SLC2A13: variants seen among roughly 807,000 people sequenced by gnomAD.
SLC2A13 encodes the protein solute carrier family 2 member 13, also known as proton myo-inositol cotransporter.
In SLC2A13, 32 loss-of-function variants were observed where a neutral mutation model predicts 64.4. That is an observed-to-expected ratio of 0.50 (90% CI 0.37 to 0.67). The LOEUF is 0.67. Among genes scored for constraint, SLC2A13 ranks in the 30% least tolerant of loss-of-function variants. The pLI, the probability that SLC2A13 is intolerant of heterozygous loss-of-function variation, is 0.00. For synonymous variants in SLC2A13, 338 were observed against 327.1 expected, an observed-to-expected ratio of 1.03 and a Z score of -0.36; for missense variants, 743 against 829.2, an observed-to-expected ratio of 0.90 and a Z score of 1.28.
At chr12:39,988,833 C>T (rs1947082353) in intron 3 of SLC2A13, among the ~76,000 whole-genome samples, 1 of 152,066 alleles carries the variant, frequency 6.6e-6, no homozygotes, top group Non-Finnish European at 1.5e-5. Context: ...ACCTTTGAGT[C>T]ATCTTTCATT....
At chr12:39,789,089 T>C (rs1941286606) in intron 7 of SLC2A13, among the ~76,000 whole-genome samples, 1 of 152,122 alleles carries the variant, frequency 6.6e-6, no homozygotes, top group Non-Finnish European at 1.5e-5. Flanking sequence ...ACTGATTTAC[T>C]CACCAATCAG....
At chr12:40,044,726 A>C (rs17489218) in intron 2 of SLC2A13, among the ~76,000 whole-genome samples, 2,327 of 152,310 alleles carry the variant, frequency 0.015, 66 homozygotes, top group African/African-American at 0.053. Flanking sequence ...AAGAGAACAG[A>C]AACTTTGACC....
chr12:39,923,560 G>A (rs1231532060), intron 4 of SLC2A13, among the ~76,000 whole-genome samples: 1 of 151,964 alleles, frequency 6.6e-6, no homozygotes, highest in South Asian at 2.1e-4. Context: ...CAATGAAAAA[G>A]TTCCAGAAAT....
chr12:40,072,736 C>T (rs2136271679), intron 1 of SLC2A13, among the ~76,000 whole-genome samples: 1 of 152,170 alleles, frequency 6.6e-6, no homozygotes, highest in Middle Eastern at 3.4e-3. Context: ...CTTTCCCATG[C>T]TTTTAATCCA....
At chr12:40,102,927 A>G (rs777272620) in intron 1 of SLC2A13, among the ~76,000 whole-genome samples, 1 of 152,200 alleles carries the variant, frequency 6.6e-6, no homozygotes, top group Non-Finnish European at 1.5e-5. Context: ...TTTGTTTTGA[A>G]TGCGGCCTAT....
chr12:39,876,062 C>T (rs748540751), intron 4 of SLC2A13, among the ~76,000 whole-genome samples: 3 of 152,192 alleles, frequency 2.0e-5, no homozygotes, highest in Non-Finnish European at 2.9e-5. Context: ...TAATATCTAT[C>T]AGACAAACTA....
At chr12:39,785,623 G>T (rs1941158570) in intron 7 of SLC2A13, among the ~76,000 whole-genome samples, 1 of 152,166 alleles carries the variant, frequency 6.6e-6, no homozygotes, top group Admixed American at 6.5e-5. Flanking sequence ...CAGAATGGTA[G>T]ATCCACCGAC....
At chr12:39,778,112 C>T (rs1208544816) in intron 7 of SLC2A13, among the ~76,000 whole-genome samples, 3 of 152,086 alleles carry the variant, frequency 2.0e-5, no homozygotes, top group Non-Finnish European at 2.9e-5. Context: ...AGCAGCAGGG[C>T]GGTGAAGAAG....
intron 1 of SLC2A13, among the ~76,000 whole-genome samples, chr12:40,048,582 T>C (rs969079958): frequency 6.6e-6 from 1 of 152,164 alleles, no homozygotes; most frequent in African/African-American, 2.4e-5. Flanking sequence ...GGAAATGTAA[T>C]CAGACAATAG....
At chr12:39,888,409 GAGACAAGGTTT>G (rs2135973569) in intron 4 of SLC2A13, among the ~76,000 whole-genome samples, 1 of 152,238 alleles carries the variant, frequency 6.6e-6, no homozygotes, top group South Asian at 2.1e-4. Flanking sequence ...ATTTTTAGCA[GAGACAAGGTTT>G]CACCATATTG....
intron 7 of SLC2A13, among the ~76,000 whole-genome samples, chr12:39,806,037 A>G (rs1240966361): frequency 6.6e-6 from 1 of 152,238 alleles, no homozygotes; most frequent in Non-Finnish European, 1.5e-5. Flanking sequence ...TGCTACCAGA[A>G]AAAGCTTACA....
chr12:40,004,609 C>A (rs2136187183), intron 3 of SLC2A13, among the ~76,000 whole-genome samples: 1 of 141,964 alleles, frequency 7.0e-6, no homozygotes, highest in East Asian at 2.0e-4. Context: ...GAGTAAAGGA[C>A]AGATTTTTTT....
chr12:40,103,265 C>A (rs1342269676), intron 1 of SLC2A13, among the ~76,000 whole-genome samples: 1 of 152,170 alleles, frequency 6.6e-6, no homozygotes, highest in Non-Finnish European at 1.5e-5. Context: ...CCATTTTGCC[C>A]CTTGCTTAGA....
At chr12:39,781,248 A>G (rs1940972453) in intron 7 of SLC2A13, among the ~76,000 whole-genome samples, 1 of 152,216 alleles carries the variant, frequency 6.6e-6, no homozygotes, top group South Asian at 2.1e-4. Context: ...ATAGCTTAAC[A>G]GGTCTATTAA....
chr12:39,862,631 A>T (rs1447077072), intron 6 of SLC2A13, among the ~76,000 whole-genome samples: 4 of 152,232 alleles, frequency 2.6e-5, no homozygotes, highest in African/African-American at 9.6e-5. Context: ...TACAAAGTGA[A>T]CTTCACTCAT....
chr12:39,920,535 T>A (rs905392609), intron 4 of SLC2A13, among the ~76,000 whole-genome samples: 1 of 152,064 alleles, frequency 6.6e-6, no homozygotes, highest in African/African-American at 2.4e-5. Context: ...GTAGAGCATA[T>A]CCTGGTTCTT....
intron 1 of SLC2A13, among the ~76,000 whole-genome samples, chr12:40,092,640 T>A (rs1938806021): frequency 1.3e-5 from 2 of 152,192 alleles, no homozygotes; most frequent in Non-Finnish European, 2.9e-5. Context: ...ATACAGATGC[T>A]CAATAGCTAC....
At chr12:39,774,770 T>A (rs1032451613) in intron 7 of SLC2A13, among the ~76,000 whole-genome samples, 1 of 152,192 alleles carries the variant, frequency 6.6e-6, no homozygotes, top group Non-Finnish European at 1.5e-5. Context: ...AGCCACTTTT[T>A]TCCTGAATAA....
chr12:40,096,011 T>C lies in SLC2A13; in HGVS notation c.556+9242A>G, dbSNP rs28365176. On this transcript the variant is annotated intron_variant, in intron 1 of 9. Coordinates refer to ENST00000280871, the MANE Select transcript of SLC2A13 (RefSeq NM_052885.4). ...GTGCAGTGGCACGATCTCAGCTCAC[T>C]GCAAGCTCCACCTCCCAAGTTCATG... is the stretch of plus-strand genomic sequence containing the variant. 4.8e-3 allele frequency among the ~76,000 whole-genome samples: 723 copies of C among 152,182 alleles called. 19 individuals are homozygous for C. In the East Asian group the frequency reaches 0.082, roughly 17 times the overall value.
Sources: gnomAD v4.1 joint callset for allele counts (sites outside exome capture counted in the v4.1 genomes callset) on GRCh38, gnomAD v4.1.1 for gene constraint, MANE v1.5 for transcripts, NCBI Gene and HGNC (gene_info 2026-07-23, HGNC 2026-07-21) for gene names.